The following FCHO2 variants were observed in gnomAD, a reference collection of about 807,000 sequenced individuals.
FCHO2 encodes the protein FCH and mu domain containing endocytic adaptor 2.
In FCHO2, 43 loss-of-function variants were observed where a neutral mutation model predicts 114.1. The ratio of observed to expected loss-of-function variants is 0.38; its 90% CI spans 0.30 to 0.49. The LOEUF is 0.49. FCHO2 is among the 20% of genes least tolerant of loss of function. The pLI, the probability that FCHO2 is intolerant of heterozygous loss-of-function variation, is 0.97. For synonymous variants in FCHO2, 293 were observed against 315.2 expected, an observed-to-expected ratio of 0.93 and a Z score of 0.75; for missense variants, 807 against 950.4, an observed-to-expected ratio of 0.85 and a Z score of 1.98.
At chr5:73,047,121 T>A (rs926947401) in intron 11 of FCHO2, among the ~76,000 whole-genome samples, 3 of 152,244 alleles carry the variant, frequency 2.0e-5, no homozygotes, top group African/African-American at 7.2e-5. Context: ...AGAACACTTG[T>A]ATGCCCTTTA....
At chr5:73,003,453 T>A (rs1449464737) in intron 5 of FCHO2, among the ~76,000 whole-genome samples, 5 of 152,116 alleles carry the variant, frequency 3.3e-5, no homozygotes, top group Non-Finnish European at 7.4e-5. Flanking sequence ...GCTGGGATTA[T>A]AGGCATGTGC....
intron 6 of FCHO2, among the ~76,000 whole-genome samples, chr5:73,008,222 G>A (rs1754820442): frequency 6.6e-6 from 1 of 152,154 alleles, no homozygotes; most frequent in African/African-American, 2.4e-5. Context: ...GATGTGACAT[G>A]ATCTGATCTA....
chr5:73,073,456 C>G (rs1354770693), intron 19 of FCHO2, among the ~76,000 whole-genome samples: 2 of 152,036 alleles, frequency 1.3e-5, no homozygotes, highest in African/African-American at 2.4e-5. Context: ...CTTTGCAAAA[C>G]TAGTACTTGT....
intron 7 of FCHO2, among the ~76,000 whole-genome samples, chr5:73,016,204 T>C (rs1755299296): frequency 6.6e-6 from 1 of 152,086 alleles, no homozygotes; most frequent in Non-Finnish European, 1.5e-5. Flanking sequence ...ATCTCAGCAG[T>C]TTGGGAGGCC....
At chr5:73,023,359 G>T (rs891382224) in intron 8 of FCHO2, among the ~76,000 whole-genome samples, 1 of 152,106 alleles carries the variant, frequency 6.6e-6, no homozygotes, top group Admixed American at 6.6e-5. Context: ...ACATAATTCG[G>T]TTTGTCTAAT....
intron 2 of FCHO2, among the ~76,000 whole-genome samples, chr5:72,982,826 A>ATTTTT (rs36075860): frequency 9.2e-6 from 1 of 108,176 alleles, no homozygotes; most frequent in Non-Finnish European, 2.0e-5. Context: ...GTCTGGATTC[A>ATTTTT]TTTTTTTTTT....
At chr5:73,078,071 A>C (rs901849213) in intron 21 of FCHO2, 109 bp from the exon 22 acceptor site, 43 of 770,660 alleles carry the variant, frequency 5.6e-5, no homozygotes, top group Admixed American at 1.5e-4. Flanking sequence ...CCTTCATCCC[A>C]CCTCTTGGTT....
intron 21 of FCHO2, 33 bp downstream of exon 21, chr5:73,077,526 T>A: frequency 1.9e-6 from 3 of 1,560,074 alleles, no homozygotes; most frequent in Middle Eastern, 1.8e-4. Flanking sequence ...AGGTTGAAAT[T>A]TCGTTTTAAG....
Position 73,006,505 on chromosome 5 carries a change from T to G in FCHO2, c.556T>G (p.Leu186Val). The change falls in exon 6 of 26, where the codon TTA becomes GTA. Residue 186 changes from leucine (L) to valine (V), a missense_variant. Physicochemically the swap from Leu to Val is conservative, Grantham distance 32 (BLOSUM62 1). Transcript: ENST00000430046. ...TAAACTCTATGTGGAAAAATATGCA[T>G]TAGCAAAAGCTGATTTCGAACAGAA... ...TYKLYVEKYA[L>V]AKADFEQKMT... is the part of the protein sequence containing the mutation. 6.3e-7 allele frequency: 1 copy of G among 1,578,240 alleles called. No homozygotes were observed. The highest frequency in any genetic ancestry group is 8.6e-7 in the Non-Finnish European group (1 of 1,165,736).
chr5:72,962,520 G>A (rs890467768), intron 1 of FCHO2, among the ~76,000 whole-genome samples: 1 of 152,112 alleles, frequency 6.6e-6, no homozygotes, highest in African/African-American at 2.4e-5. Flanking sequence ...AATTCAAATG[G>A]AAATAGGATC....
At chr5:73,058,369 C>T in intron 16 of FCHO2, 64 bp from the exon 17 acceptor site, 1 of 1,145,776 alleles carries the variant, frequency 8.7e-7, no homozygotes, top group African/African-American at 1.6e-5. Flanking sequence ...AAATAAGTGA[C>T]TAGAAATTTT....
intron 12 of FCHO2, among the ~76,000 whole-genome samples, chr5:73,051,933 G>C (rs1757357240): frequency 6.6e-6 from 1 of 151,696 alleles, no homozygotes; most frequent in South Asian, 2.1e-4. Flanking sequence ...TTTTCTCTTT[G>C]GTTTTTTTGA....
chr5:73,085,621 A>G (rs1743274095), intron 24 of FCHO2, among the ~76,000 whole-genome samples: 1 of 151,098 alleles, frequency 6.6e-6, no homozygotes, highest in Non-Finnish European at 1.5e-5. Context: ...CTAAAAATAC[A>G]AAAATTAACC....
chr5:73,043,336 A>G (rs113437837), intron 11 of FCHO2, among the ~76,000 whole-genome samples: 115 of 152,240 alleles, frequency 7.6e-4, no homozygotes, highest in African/African-American at 2.7e-3. Flanking sequence ...ATGTGAGTTC[A>G]TTTTTGACCA....
intron 20 of FCHO2, 136 bp downstream of exon 20, chr5:73,074,989 C>T (rs1742842685): frequency 3.0e-6 from 2 of 669,108 alleles, no homozygotes; most frequent in Non-Finnish European, 4.9e-6. Flanking sequence ...TATTTACCTG[C>T]TTTTTTGCTA....
chr5:72,986,911 ACT>A (rs1168411768), intron 2 of FCHO2, among the ~76,000 whole-genome samples: 5 of 137,700 alleles, frequency 3.6e-5, no homozygotes, highest in Non-Finnish European at 6.1e-5. Context: ...ACGGAGTCTC[ACT>A]CTGTCGCCCA....
At chr5:73,010,463 C>T (rs993704788) in intron 6 of FCHO2, among the ~76,000 whole-genome samples, 2 of 152,032 alleles carry the variant, frequency 1.3e-5, no homozygotes, top group Non-Finnish European at 2.9e-5. Flanking sequence ...TTAGGATTAG[C>T]GTACTTTTAT....
chr5:73,045,459 T>A (rs1272527895), intron 11 of FCHO2, among the ~76,000 whole-genome samples: 7 of 152,202 alleles, frequency 4.6e-5, no homozygotes, highest in Non-Finnish European at 7.3e-5. Flanking sequence ...TGAGTAGTAG[T>A]CCCTGTTTTG....
intron 8 of FCHO2, among the ~76,000 whole-genome samples, chr5:73,018,328 C>T (rs1755417875): frequency 6.6e-6 from 1 of 152,154 alleles, no homozygotes; most frequent in Non-Finnish European, 1.5e-5. Context: ...CATACTGGTA[C>T]AGCAGACGTT....
Sources: allele counts gnomAD v4.1 joint callset (sites outside exome capture counted in the v4.1 genomes callset), GRCh38; gene constraint gnomAD v4.1.1; transcripts MANE v1.5; gene names NCBI Gene and HGNC (gene_info 2026-07-23, HGNC 2026-07-21).